C1orf198: variants seen among roughly 807,000 people sequenced by gnomAD.
C1orf198 encodes the protein chromosome 1 open reading frame 198, also known as uncharacterized protein C1orf198.
A neutral mutation model predicts 31.4 loss-of-function variants in C1orf198; 17 were observed. The observed-to-expected ratio is 0.54, with a 90% confidence interval of 0.37 to 0.81. C1orf198 has a LOEUF of 0.81. C1orf198 is among the 40% of genes least tolerant of loss of function. The pLI is 0.00. For synonymous variants in C1orf198, 175 were observed against 193.8 expected, an observed-to-expected ratio of 0.90 and a Z score of 0.81; for missense variants, 401 against 450.3, an observed-to-expected ratio of 0.89 and a Z score of 0.99.
At position 230,855,864 on chromosome 1, in the gene C1orf198, T is replaced by C. The variant is rs1261175847; in HGVS notation, c.334-146A>G. ...AAGCCTGATGCTTTGACACTCTCAA[T>C]ATAATGCGCTGACCGTCTTGATCAG... On this transcript the variant is annotated intron_variant, in intron 1 of 3. Transcript: ENST00000366663. 18 of 1,469,584 alleles carry C rather than the reference T, an allele frequency of 1.2e-5. No individual in the cohort carries two copies. The East Asian group carries it at 3.1e-4, about 25-fold the overall frequency. The allele number at this position is 1,469,584 out of a possible 1,614,324, so 91.0% of individuals were successfully genotyped here. A position where few individuals can be genotyped will look rare whatever the true frequency, so the allele number is the denominator to read the frequency against.
rs896021491 is a variant in C1orf198 at position 230,839,295 on chromosome 1, A to G, written c.*557T>C. The G allele has an allele frequency of 3.8e-5, 6 of 157,666 alleles. No homozygotes were observed. Among genetic ancestry groups the G allele is most frequent in the African/African-American group, 1.4e-4 (6 of 41,510 alleles). 9.8% of individuals were successfully genotyped at this position (157,666 alleles called of 1,614,324 possible). On this transcript the variant is annotated 3_prime_UTR_variant, in exon 4 of 4. Coordinates refer to ENST00000366663, the MANE Select transcript of C1orf198 (RefSeq NM_032800.3). The stretch of plus-strand genomic sequence containing the variant: ...AAATGGCGTGAGGGTGGAGGCTGGC[A>G]CATGATGTGAGAGACATGGCTTCTG...
chr1:230,867,297 G>C (rs1410209443), intron 1 of C1orf198, among the ~76,000 whole-genome samples: 1 of 152,208 alleles, frequency 6.6e-6, no homozygotes, highest in African/African-American at 2.4e-5. Flanking sequence ...AGAAAAAGAA[G>C]ACCAAGTTTC....
chr1:230,847,728 G>C (rs961699507), intron 2 of C1orf198, among the ~76,000 whole-genome samples: 9 of 152,194 alleles, frequency 5.9e-5, no homozygotes, highest in African/African-American at 2.2e-4. Context: ...AAAGACTGTG[G>C]GATAGAGATG....
intron 2 of C1orf198, among the ~76,000 whole-genome samples, chr1:230,848,291 G>A (rs1572130615): frequency 6.6e-6 from 1 of 152,226 alleles, no homozygotes; most frequent in Non-Finnish European, 1.5e-5. Context: ...CTATGTATGT[G>A]TATGCTGTTC....
rs955979220 is a variant in C1orf198, at chr1:230,839,778, C to T, written c.*74G>A. 3.9e-6 allele frequency: 5 copies of T among 1,279,512 alleles called. No homozygotes were observed. Among genetic ancestry groups the T allele is most frequent in the African/African-American group, 1.5e-5 (1 of 66,362 alleles). The allele number at this position is 1,279,512 out of a possible 1,614,324, so 79.3% of individuals were successfully genotyped here. A position where few individuals can be genotyped will look rare whatever the true frequency, so the allele number is the denominator to read the frequency against. ...CAGTAAAATACATAGGAAAAGGTGG[C>T]CCTTTTTATCCTCCTCCACCACACC... On this transcript the variant is annotated 3_prime_UTR_variant, in exon 4 of 4. Coordinates refer to ENST00000366663, the MANE Select transcript of C1orf198 (RefSeq NM_032800.3).
chr1:230,857,179 G>A lies in C1orf198; in HGVS notation c.334-1461C>T, dbSNP rs192224942. Among the ~76,000 whole-genome samples, 2 of 152,114 alleles carry A rather than the reference G, an allele frequency of 1.3e-5. No individual in the cohort carries two copies. Among genetic ancestry groups the A allele is most frequent in the Non-Finnish European group, 2.9e-5 (2 of 68,008 alleles). ...CATGCCAGGGTCTGGGCAGCTGAAGGCCTATTCCCAAGAAGCGGGGACAGG... is the reference window on the plus strand; with the variant it reads ...CATGCCAGGGTCTGGGCAGCTGAAGACCTATTCCCAAGAAGCGGGGACAGG... On this transcript the variant is annotated intron_variant, in intron 1 of 3. Transcript: ENST00000366663. This position sits in a 1 kb window ranked among gnomAD's most constrained non-coding sequence, Gnocchi z 4.2.
chr1:230,840,277 T>C lies in C1orf198; in HGVS notation c.928-369A>G, dbSNP rs565203748. On this transcript the variant is annotated intron_variant, in intron 3 of 3. Coordinates refer to ENST00000366663, the MANE Select transcript of C1orf198 (RefSeq NM_032800.3). The surrounding 1 kb of genome is among the most constrained non-coding windows in gnomAD (Gnocchi z 4.0). ...AGAGAACAAATGATAAAGATATTCC[T>C]TCAAATATAAAACAAACATCACACA... Among the ~76,000 whole-genome samples the C allele has an allele frequency of 6.6e-6, 1 of 152,348 alleles. No homozygotes were observed. Among genetic ancestry groups the C allele is most frequent in the South Asian group, 2.1e-4 (1 of 4,824 alleles).
At chr1:230,859,979 T>C (rs1408083369) in intron 1 of C1orf198, among the ~76,000 whole-genome samples, 1 of 152,184 alleles carries the variant, frequency 6.6e-6, no homozygotes, top group Non-Finnish European at 1.5e-5. Flanking sequence ...CTTTTATTTT[T>C]GGAGGCTGCA....
Position 230,847,171 on chromosome 1 carries a change from C to A in C1orf198, c.385-3275G>T, listed in dbSNP as rs1276538970. On this transcript the variant is annotated intron_variant, in intron 2 of 3. Coordinates refer to ENST00000366663, the MANE Select transcript of C1orf198 (RefSeq NM_032800.3). Reference sequence around the variant, plus strand: ...ACGCATGCCTGTAATCCCAGCCACTCAGGAGGCTGAGGCAGGAGAATCGCT... The same window carrying A: ...ACGCATGCCTGTAATCCCAGCCACTAAGGAGGCTGAGGCAGGAGAATCGCT... Among the ~76,000 whole-genome samples, 14 of 137,544 alleles carry A rather than the reference C, an allele frequency of 1.0e-4. No individual in the cohort carries two copies. In the East Asian group the frequency reaches 2.6e-3, roughly 26 times the overall value. The allele number at this position is 137,544 out of a possible 152,430, so 90.2% of individuals were successfully genotyped here.
chr1:230,860,489 A>G (rs1216079108), intron 1 of C1orf198, among the ~76,000 whole-genome samples: 3 of 152,248 alleles, frequency 2.0e-5, no homozygotes, highest in Non-Finnish European at 4.4e-5. Flanking sequence ...ATGCATAAAC[A>G]AAATGTGGTC....
chr1:230,859,523 G>C (rs183353450), intron 1 of C1orf198, among the ~76,000 whole-genome samples: 1 of 152,242 alleles, frequency 6.6e-6, no homozygotes, highest in Admixed American at 6.5e-5. Flanking sequence ...AATCTCTCCA[G>C]AAACAATGAC....
At position 230,843,948 on chromosome 1, in the gene C1orf198, G is replaced by T; in HGVS notation, c.385-52C>A. ...AAAAAAGAAAGAGATCCTGAGAATCGACCGTCACAAGTGTGCCAGCTCACG... is the reference window on the plus strand; with the variant it reads ...AAAAAAGAAAGAGATCCTGAGAATCTACCGTCACAAGTGTGCCAGCTCACG... On this transcript the variant is annotated intron_variant, in intron 2 of 3. Transcript: ENST00000366663. The surrounding 1 kb of genome is among the most constrained non-coding windows in gnomAD (Gnocchi z 4.9). 2 of 1,484,994 alleles carry T rather than the reference G, an allele frequency of 1.3e-6. No homozygotes were observed. The highest frequency in any genetic ancestry group is 2.7e-5 in the South Asian group (2 of 72,778). 92.0% of individuals were successfully genotyped at this position (1,484,994 alleles called of 1,614,324 possible).
intron 1 of C1orf198, among the ~76,000 whole-genome samples, chr1:230,864,357 G>T (rs1234628759): frequency 6.6e-6 from 1 of 152,116 alleles, no homozygotes; most frequent in Non-Finnish European, 1.5e-5. Context: ...GGTACCCATA[G>T]CCGCCTCTAG....
chr1:230,845,296 T>C (rs576294883), intron 2 of C1orf198, among the ~76,000 whole-genome samples: 18 of 150,586 alleles, frequency 1.2e-4, no homozygotes, highest in African/African-American at 4.2e-4. Context: ...GGTGGGAGGA[T>C]TGCTTGAGCC....
intron 3 of C1orf198, among the ~76,000 whole-genome samples, chr1:230,841,634 T>TA (rs1302761887): frequency 9.9e-5 from 15 of 152,054 alleles, no homozygotes; most frequent in African/African-American, 3.6e-4. Context: ...ACACAGAAAA[T>TA]AACAAGTGTT....
intron 1 of C1orf198, among the ~76,000 whole-genome samples, chr1:230,861,650 TACC>T (rs1670007143): frequency 2.0e-5 from 3 of 152,178 alleles, no homozygotes; most frequent in Admixed American, 1.3e-4. Flanking sequence ...GGCTCCAGCA[TACC>T]ACAGGCTACA....
At chr1:230,862,230 A>G (rs1418556593) in intron 1 of C1orf198, among the ~76,000 whole-genome samples, 1 of 152,200 alleles carries the variant, frequency 6.6e-6, no homozygotes, top group Non-Finnish European at 1.5e-5. Context: ...TGTCACTGAT[A>G]ATGACAGCAC....
chr1:230,851,078 G>T (rs1463508918), intron 2 of C1orf198, among the ~76,000 whole-genome samples: 2 of 142,184 alleles, frequency 1.4e-5, no homozygotes, highest in African/African-American at 6.2e-5. Flanking sequence ...CAGCACAGAG[G>T]AAGGGCCTGT....
intron 2 of C1orf198, among the ~76,000 whole-genome samples, chr1:230,851,509 C>A (rs1271135988): frequency 6.6e-6 from 1 of 152,204 alleles, no homozygotes; most frequent in Non-Finnish European, 1.5e-5. Context: ...CTGTCTGGAG[C>A]CTTCTAAGTG....
Sources: allele counts gnomAD v4.1 joint callset (sites outside exome capture counted in the v4.1 genomes callset), GRCh38; gene constraint gnomAD v4.1.1; non-coding constraint Gnocchi (gnomAD v3.1); transcripts MANE v1.5; gene names NCBI Gene and HGNC (gene_info 2026-07-23, HGNC 2026-07-21).